Variants in SYN2 observed in about 807,000 individuals in gnomAD.
SYN2 encodes the protein synapsin-2.
SYN2 carries 19 observed loss-of-function variants against 50.9 expected under a neutral mutation model. The ratio of observed to expected loss-of-function variants is 0.37; its 90% CI spans 0.26 to 0.55. The LOEUF (loss-of-function observed/expected upper bound fraction) is 0.55. Ranked by LOEUF, SYN2 falls within the 20% of genes least tolerant of loss-of-function variation. The pLI, the probability that SYN2 is intolerant of heterozygous loss-of-function variation, is 0.81. For synonymous variants in SYN2, 255 were observed against 224.9 expected, an observed-to-expected ratio of 1.13 and a Z score of -1.20; for missense variants, 587 against 576.4, an observed-to-expected ratio of 1.02 and a Z score of -0.19.
At chr3:12,049,466 C>T (rs562712841) in intron 1 of SYN2, among the ~76,000 whole-genome samples, 190 of 151,882 alleles carry the variant, frequency 1.3e-3, no homozygotes, top group Non-Finnish European at 8.7e-4. Flanking sequence ...CTGCAGTGAG[C>T]CAACATTGTG....
chr3:12,023,374 C>G (rs1046135536), intron 1 of SYN2, among the ~76,000 whole-genome samples: 8 of 151,866 alleles, frequency 5.3e-5, no homozygotes, highest in Non-Finnish European at 7.4e-5. Context: ...CCCCCCACCC[C>G]CAAAGAAACA....
In SYN2 at chr3:12,015,113, A is replaced by G. The variant is rs1206697345; in HGVS notation, c.377+10185A>G. Reference sequence around the variant, plus strand: ...GAATGTGCCGTGCCCCTGTGTCTTTATTTGTACTACTTGTGCTTCCTGAAA... The same window carrying G: ...GAATGTGCCGTGCCCCTGTGTCTTTGTTTGTACTACTTGTGCTTCCTGAAA... On this transcript the variant is annotated intron_variant, in intron 1 of 12. Coordinates refer to ENST00000621198, the MANE Select transcript of SYN2 (RefSeq NM_133625.6). Among the ~76,000 whole-genome samples, 3 of 152,146 alleles carry G rather than the reference A, an allele frequency of 2.0e-5. No homozygotes were observed. In the East Asian group the frequency reaches 5.8e-4, roughly 29 times the overall value.
At position 12,074,310 on chromosome 3, in the gene SYN2, A is replaced by G. The variant is rs1341941564; in HGVS notation, c.378-66341A>G. On this transcript the variant is annotated intron_variant, in intron 1 of 12. Transcript: ENST00000621198. The stretch of plus-strand genomic sequence containing the variant: ...TGTCTTAACTTGAAATTTTACATTT[A>G]TTATAATTACTGATGTTAGATTTAT... Among the ~76,000 whole-genome samples, 3 of 152,280 alleles carry G rather than the reference A, an allele frequency of 2.0e-5. No individual in the cohort carries two copies. In the East Asian group the frequency reaches 5.8e-4, roughly 29 times the overall value.
At chr3:12,167,044 G>A (rs1040921243) in intron 7 of SYN2, among the ~76,000 whole-genome samples, 190 bp from the exon 8 acceptor site, 1 of 152,234 alleles carries the variant, frequency 6.6e-6, no homozygotes, top group Non-Finnish European at 1.5e-5. Context: ...TTGTAGAGAG[G>A]AGGAGGGCAT....
chr3:12,068,378 G>T (rs987033983), intron 1 of SYN2, among the ~76,000 whole-genome samples: 1 of 152,142 alleles, frequency 6.6e-6, no homozygotes, highest in African/African-American at 2.4e-5. Context: ...TAATCTTTTG[G>T]ATGTTGATCT....
intron 1 of SYN2, among the ~76,000 whole-genome samples, chr3:12,023,867 G>A (rs1190998073): frequency 6.6e-6 from 1 of 152,176 alleles, no homozygotes; most frequent in African/African-American, 2.4e-5. Context: ...AACCGTAGCA[G>A]TGGAAAAGAA....
intron 1 of SYN2, among the ~76,000 whole-genome samples, chr3:12,019,553 T>C (rs1694088484): frequency 6.6e-6 from 1 of 152,174 alleles, no homozygotes; most frequent in African/African-American, 2.4e-5. Context: ...ATCAGTTAAC[T>C]TGGCAAAATG....
chr3:12,056,329 G>A (rs1221626405), intron 1 of SYN2, among the ~76,000 whole-genome samples: 1 of 152,058 alleles, frequency 6.6e-6, no homozygotes, highest in Non-Finnish European at 1.5e-5. Flanking sequence ...TTGCTCCTGG[G>A]GTGGCTGTCA....
intron 1 of SYN2, chr3:12,070,965 T>C: frequency 1.8e-6 from 1 of 548,336 alleles, no homozygotes; most frequent in Non-Finnish European, 3.6e-6. Flanking sequence ...AGGAGCTGCC[T>C]GACAGCCTGG....
At chr3:12,137,197 A>G (rs1696914305) in intron 1 of SYN2, among the ~76,000 whole-genome samples, 1 of 150,352 alleles carries the variant, frequency 6.7e-6, no homozygotes, top group Non-Finnish European at 1.5e-5. Flanking sequence ...ACAGTGAGCT[A>G]TGATTGCACC....
intron 1 of SYN2, among the ~76,000 whole-genome samples, chr3:12,042,727 G>A (rs956709080): frequency 6.6e-6 from 1 of 152,138 alleles, no homozygotes; most frequent in African/African-American, 2.4e-5. Flanking sequence ...CCAGATATAA[G>A]GTAGATCCTA....
intron 4 of SYN2, among the ~76,000 whole-genome samples, chr3:12,147,961 A>C (rs1236618249): frequency 2.0e-5 from 3 of 151,870 alleles, no homozygotes; most frequent in Non-Finnish European, 2.9e-5. Flanking sequence ...AAATACAAAA[A>C]AAATTAGCCG....
At chr3:12,043,116 G>A (rs1694656935) in intron 1 of SYN2, among the ~76,000 whole-genome samples, 3 of 150,918 alleles carry the variant, frequency 2.0e-5, no homozygotes, top group Admixed American at 1.3e-4. Context: ...TTAAATTCCT[G>A]GACTCAGGCG....
intron 1 of SYN2, among the ~76,000 whole-genome samples, chr3:12,048,865 C>T (rs908822040): frequency 1.1e-4 from 16 of 152,192 alleles, no homozygotes; most frequent in African/African-American, 3.9e-4. Flanking sequence ...AATCACTGTA[C>T]TGGAATTGCA....
intron 7 of SYN2, among the ~76,000 whole-genome samples, chr3:12,163,274 G>A (rs1236607012): frequency 6.7e-6 from 1 of 149,672 alleles, no homozygotes. Flanking sequence ...AAAGTTTACA[G>A]TGGTGTTTTC....
At chr3:12,141,198 ATT>A (rs10715385) in intron 2 of SYN2, among the ~76,000 whole-genome samples, 4,727 of 145,028 alleles carry the variant, frequency 0.033, 156 homozygotes, top group East Asian at 0.2. Flanking sequence ...TGAAAGTCCA[ATT>A]TTTTTTTTTT....
chr3:12,137,855 AAAG>A (rs1696930595), intron 1 of SYN2, among the ~76,000 whole-genome samples: 1 of 152,240 alleles, frequency 6.6e-6, no homozygotes, highest in South Asian at 2.1e-4. Flanking sequence ...GAATGGGAAA[AAAG>A]AACATTTTAC....
chr3:12,189,419 A>G (rs898568366), intron 12 of SYN2, among the ~76,000 whole-genome samples: 31 of 152,166 alleles, frequency 2.0e-4, no homozygotes, highest in Non-Finnish European at 4.1e-4. Flanking sequence ...GGCCTGATAT[A>G]TATCTCTTTT....
intron 1 of SYN2, among the ~76,000 whole-genome samples, chr3:12,005,991 G>A (rs889383239): frequency 7.5e-6 from 1 of 132,736 alleles, no homozygotes; most frequent in African/African-American, 3.3e-5. Flanking sequence ...GTGAGCAAGG[G>A]TTTTGTTTTT....
Sources: gnomAD v4.1 joint callset for allele counts (sites outside exome capture counted in the v4.1 genomes callset) on GRCh38, gnomAD v4.1.1 for gene constraint, MANE v1.5 for transcripts, NCBI Gene and HGNC (gene_info 2026-07-23, HGNC 2026-07-21) for gene names.